MACROD2: variants seen among roughly 807,000 people sequenced by gnomAD.
The protein encoded by MACROD2 is mono-ADP ribosylhydrolase 2.
A neutral mutation model predicts 70.4 loss-of-function variants in MACROD2; 36 were observed. The ratio of observed to expected loss-of-function variants is 0.51; its 90% CI spans 0.39 to 0.68. The LOEUF (loss-of-function observed/expected upper bound fraction) is 0.68. Among genes scored for constraint, MACROD2 ranks in the 30% least tolerant of loss-of-function variants. The probability of loss-of-function intolerance (pLI) is 0.00; values close to 1 mark genes in which losing one functional copy is unlikely to be tolerated. For synonymous variants in MACROD2, 172 were observed against 178.8 expected, an observed-to-expected ratio of 0.96 and a Z score of 0.30; for missense variants, 496 against 538.4, an observed-to-expected ratio of 0.92 and a Z score of 0.78.
In MACROD2 at chr20:14,134,814, A is replaced by AAC. The variant is rs1181034940; in HGVS notation, c.271+49087_271+49088insCA. 6.9e-4 allele frequency among the ~76,000 whole-genome samples: 104 copies of AAC among 151,642 alleles called. 1 individual carries two copies. Among genetic ancestry groups the AAC allele is most frequent in the African/African-American group, 2.3e-3 (95 of 41,386 alleles). Reference sequence around the variant, plus strand: ...GAGACTCCGTGTCAAAAAAAAAAAAAAAAAAAAACAGCTACAAATTCATGT... The same window carrying AAC: ...GAGACTCCGTGTCAAAAAAAAAAAAAACAAAAAAAACAGCTACAAATTCATGT... On this transcript the variant is annotated intron_variant, in intron 3 of 17. Coordinates refer to ENST00000684519, the MANE Select transcript of MACROD2 (RefSeq NM_001351661.2).
intron 4 of MACROD2, among the ~76,000 whole-genome samples, chr20:14,608,298 G>A (rs528251945): frequency 6.6e-6 from 1 of 152,084 alleles, no homozygotes; most frequent in South Asian, 2.1e-4. Context: ...AAAACATTTA[G>A]TAATTGTGTA....
chr20:14,292,498 A>G (rs2082394666), intron 3 of MACROD2, among the ~76,000 whole-genome samples: 1 of 151,936 alleles, frequency 6.6e-6, no homozygotes, highest in Non-Finnish European at 1.5e-5. Context: ...TGAGTAGGAC[A>G]TCAACAGTGA....
chr20:14,466,844 C>T (rs2084456884), intron 3 of MACROD2, among the ~76,000 whole-genome samples: 1 of 152,066 alleles, frequency 6.6e-6, no homozygotes, highest in African/African-American at 2.4e-5. Context: ...GGCTGCAGAA[C>T]AGCAGATATT....
At chr20:15,207,442 T>TTTG (rs1555792629) in intron 5 of MACROD2, among the ~76,000 whole-genome samples, 1 of 133,856 alleles carries the variant, frequency 7.5e-6, no homozygotes, top group Non-Finnish European at 1.6e-5. Context: ...TCTGGTTTTT[T>TTTG]TTTTTTTTTT....
chr20:15,560,411 T>G (rs191211804), intron 8 of MACROD2, among the ~76,000 whole-genome samples: 1 of 152,298 alleles, frequency 6.6e-6, no homozygotes, highest in East Asian at 1.9e-4. Context: ...AAAGATGTAA[T>G]GCTAGTGCTA....
chr20:14,717,832 A>G (rs1271445216), intron 5 of MACROD2, among the ~76,000 whole-genome samples: 2 of 152,118 alleles, frequency 1.3e-5, no homozygotes, highest in Non-Finnish European at 2.9e-5. Context: ...ACCTTCTGGA[A>G]GTGACTGTGG....
At chr20:14,453,050 T>C (rs748218375) in intron 3 of MACROD2, among the ~76,000 whole-genome samples, 2 of 152,150 alleles carry the variant, frequency 1.3e-5, no homozygotes, top group African/African-American at 2.4e-5. Flanking sequence ...TACCCAACTC[T>C]AAAGAAAGAG....
At chr20:14,858,378 C>T (rs759194962) in intron 5 of MACROD2, among the ~76,000 whole-genome samples, 8 of 151,908 alleles carry the variant, frequency 5.3e-5, no homozygotes, top group Non-Finnish European at 1.2e-4. Context: ...ATTGTTTCTC[C>T]GAACAGCCAC....
At chr20:15,547,698 T>G (rs969398876) in intron 8 of MACROD2, among the ~76,000 whole-genome samples, 1 of 152,192 alleles carries the variant, frequency 6.6e-6, no homozygotes, top group Non-Finnish European at 1.5e-5. Context: ...CTGCCAAATT[T>G]TTTGATTCCC....
chr20:14,471,042 C>T (rs1288425413), intron 3 of MACROD2, among the ~76,000 whole-genome samples: 1 of 152,158 alleles, frequency 6.6e-6, no homozygotes, highest in Non-Finnish European at 1.5e-5. Context: ...AAACCCAGGG[C>T]CCTGGTGGTG....
At chr20:15,616,432 GTCATA>G (rs1346446210) in intron 8 of MACROD2, among the ~76,000 whole-genome samples, 1 of 152,128 alleles carries the variant, frequency 6.6e-6, no homozygotes, top group East Asian at 1.9e-4. Context: ...ATAACGTACA[GTCATA>G]TCAAAGAAGA....
intron 8 of MACROD2, among the ~76,000 whole-genome samples, chr20:15,654,510 G>A (rs1343699576): frequency 6.6e-6 from 1 of 152,196 alleles, no homozygotes; most frequent in Non-Finnish European, 1.5e-5. Context: ...ACAAGCCAAA[G>A]TAGATATCTC....
At chr20:15,162,669 G>A (rs780350607) in intron 5 of MACROD2, among the ~76,000 whole-genome samples, 34 of 151,784 alleles carry the variant, frequency 2.2e-4, no homozygotes, top group Non-Finnish European at 4.1e-4. Flanking sequence ...ATGCTGTGTG[G>A]AGGAAACATG....
intron 6 of MACROD2, among the ~76,000 whole-genome samples, chr20:15,354,360 G>T (rs1034438177): frequency 6.6e-6 from 1 of 152,014 alleles, no homozygotes; most frequent in African/African-American, 2.4e-5. Context: ...TGGGGTGGGG[G>T]TAGCGGGGAG....
intron 5 of MACROD2, among the ~76,000 whole-genome samples, chr20:14,829,796 AT>A (rs1447307317): frequency 3.9e-5 from 6 of 152,126 alleles, no homozygotes; most frequent in East Asian, 1.9e-4. Flanking sequence ...TGAATCAATT[AT>A]TTTATTTAGT....
intron 5 of MACROD2, among the ~76,000 whole-genome samples, chr20:14,847,464 C>T (rs1600721281): frequency 6.9e-6 from 1 of 144,542 alleles, no homozygotes; most frequent in African/African-American, 2.6e-5. Context: ...CATTTTTATT[C>T]ACTTTGAGGA....
intron 3 of MACROD2, among the ~76,000 whole-genome samples, chr20:14,412,690 G>A (rs1252868839): frequency 2.0e-5 from 3 of 152,116 alleles, no homozygotes; most frequent in African/African-American, 7.2e-5. Flanking sequence ...TACGTTACAG[G>A]CCTGTTAAAA....
At chr20:14,269,755 C>G (rs1435614570) in intron 3 of MACROD2, among the ~76,000 whole-genome samples, 1 of 151,146 alleles carries the variant, frequency 6.6e-6, no homozygotes, top group Non-Finnish European at 1.5e-5. Context: ...TTTAAACATG[C>G]TGGAATTTGG....
chr20:15,919,723 A>G (rs558642893), intron 10 of MACROD2, among the ~76,000 whole-genome samples: 21 of 152,254 alleles, frequency 1.4e-4, no homozygotes, highest in African/African-American at 4.6e-4. Flanking sequence ...TGACAGTACG[A>G]GACTCCATTT....
Sources: gnomAD v4.1 joint callset for allele counts (sites outside exome capture counted in the v4.1 genomes callset) on GRCh38, gnomAD v4.1.1 for gene constraint, MANE v1.5 for transcripts, NCBI Gene and HGNC (gene_info 2026-07-23, HGNC 2026-07-21) for gene names.